The following LRP4 variants were observed in gnomAD, a reference collection of about 807,000 sequenced individuals.
LRP4 encodes LDL receptor related protein 4, also known as low-density lipoprotein receptor-related protein 4.
In LRP4, 95 loss-of-function variants were observed where a neutral mutation model predicts 220.3. That is an observed-to-expected ratio of 0.43 (90% confidence interval 0.37 to 0.51). The LOEUF is 0.51. Among genes scored for constraint, LRP4 ranks in the 20% least tolerant of loss-of-function variants. The probability of loss-of-function intolerance (pLI) is 0.00; values close to 1 mark genes in which losing one functional copy is unlikely to be tolerated. For missense variants in LRP4, 1,925 were observed against 2,567.0 expected (o/e 0.75, Z 5.40); for synonymous variants, 903 against 954.6 (o/e 0.95, Z 1.00).
Position 46,868,611 on chromosome 11 carries a change from G to A in LRP4, c.4940C>T (p.Pro1647Leu), listed in dbSNP as rs772595373. 1.9e-6 allele frequency: 3 copies of A among 1,613,584 alleles called. No homozygotes were observed. The highest frequency in any genetic ancestry group is 3.3e-5 in the Admixed American group (2 of 60,030). The part of the protein sequence containing the change: ...CACPDEPDSR[P>L]CSLVPGLVPP... Reference sequence around the variant, plus strand: ...ACAGTCCAACTCACCAAGGGAGCAGGGCCGGCTATCAGGTTCGTCAGGACA... The same window carrying A: ...ACAGTCCAACTCACCAAGGGAGCAGAGCCGGCTATCAGGTTCGTCAGGACA... The change falls in exon 33 of 38, where the codon CCC (proline) becomes CTC (leucine). Residue 1647 changes from proline (P) to leucine (L), a missense_variant. By Grantham distance (98) the Pro-to-Leu change is moderately conservative (BLOSUM62 -3). Transcript: ENST00000378623.
intron 31 of LRP4, among the ~76,000 whole-genome samples, chr11:46,870,161 C>T (rs960728173): frequency 4.0e-5 from 6 of 151,540 alleles, no homozygotes; most frequent in East Asian, 1.9e-4. Flanking sequence ...CCCACCTACT[C>T]GGGAGGCTGA....
intron 22 of LRP4, 52 bp downstream of exon 22, chr11:46,878,855 C>A (rs550261069): frequency 6.2e-7 from 1 of 1,611,812 alleles, no homozygotes; most frequent in African/African-American, 1.3e-5. Flanking sequence ...GGAAGAGAGC[C>A]ATTGCCCCCT....
At chr11:46,891,679 A>C (rs1357161573) in intron 13 of LRP4, among the ~76,000 whole-genome samples, 4 of 151,854 alleles carry the variant, frequency 2.6e-5, no homozygotes, top group Non-Finnish European at 5.9e-5. Context: ...GCAGTGCCAT[A>C]ATCATGGCTC....
In LRP4 at chr11:46,890,982, G is replaced by T. The variant is rs1941409710; in HGVS notation, c.1698-488C>A. On this transcript the variant is annotated intron_variant, in intron 13 of 37. Coordinates refer to ENST00000378623, the MANE Select transcript of LRP4 (RefSeq NM_002334.4). This position sits in a 1 kb window ranked among gnomAD's most constrained non-coding sequence, Gnocchi z 5.3. Reference sequence around the variant, plus strand: ...ATTTTTTTTTTCATACTGGCAACAGGCAGGACATACTATCTTAGGCACTGG... The same window carrying T: ...ATTTTTTTTTTCATACTGGCAACAGTCAGGACATACTATCTTAGGCACTGG... 6.6e-6 allele frequency among the ~76,000 whole-genome samples: 1 copy of T among 151,898 alleles called. No individual in the cohort carries two copies. Among genetic ancestry groups the T allele is most frequent in the East Asian group, 1.9e-4 (1 of 5,178 alleles).
chr11:46,891,751 G>A (rs1941429159), intron 13 of LRP4, among the ~76,000 whole-genome samples: 1 of 151,926 alleles, frequency 6.6e-6, no homozygotes, highest in African/African-American at 2.4e-5. Context: ...GTGTAGTTGG[G>A]ACTACAGGCA....
chr11:46,913,776 C>T (rs900896625), intron 1 of LRP4, among the ~76,000 whole-genome samples: 2 of 152,170 alleles, frequency 1.3e-5, no homozygotes, highest in African/African-American at 2.4e-5. Flanking sequence ...TCCATTTCCC[C>T]AGACCTCTCT....
intron 16 of LRP4, among the ~76,000 whole-genome samples, chr11:46,887,612 C>T (rs1170895234): frequency 2.0e-5 from 3 of 152,024 alleles, no homozygotes; most frequent in Admixed American, 2.0e-4. Context: ...GTGGATAGAT[C>T]ACGAGATCAG....
Position 46,884,692 on chromosome 11 carries a change from G to A in LRP4, c.2507-716C>T, listed in dbSNP as rs544193252. The stretch of plus-strand genomic sequence containing the variant: ...GCGGAGCTTGCAGTGAGCCGAGATC[G>A]TGCCACAGCACTCCAGCCTGGGGGA... On this transcript the variant is annotated intron_variant, in intron 18 of 37. Transcript: ENST00000378623. 1.7e-4 allele frequency among the ~76,000 whole-genome samples: 24 copies of A among 144,118 alleles called. No homozygotes were observed. In the South Asian group the frequency reaches 3.5e-3, roughly 21 times the overall value. The allele number at this position is 144,118 out of a possible 152,430, so 94.5% of individuals were successfully genotyped here.
At chr11:46,860,699 C>G (rs1045102740) in intron 37 of LRP4, among the ~76,000 whole-genome samples, 1 of 152,276 alleles carries the variant, frequency 6.6e-6, no homozygotes, top group Admixed American at 6.5e-5. Flanking sequence ...ATGGTCCCTG[C>G]CCTCTGAGAG....
At chr11:46,872,027 G>A (rs1392779946) in intron 30 of LRP4, among the ~76,000 whole-genome samples, 1 of 152,172 alleles carries the variant, frequency 6.6e-6, no homozygotes, top group Non-Finnish European at 1.5e-5. Context: ...GGAGGCCGAG[G>A]CGGGGGATCA....
intron 16 of LRP4, 72 bp downstream of exon 16, chr11:46,889,339 G>C: frequency 6.3e-7 from 1 of 1,595,130 alleles, no homozygotes; most frequent in South Asian, 1.1e-5. Context: ...ATCCCTCCAC[G>C]TCCTATCCCT....
intron 18 of LRP4, among the ~76,000 whole-genome samples, 186 bp downstream of exon 18, chr11:46,885,905 G>A (rs956354043): frequency 7.9e-5 from 12 of 152,100 alleles, no homozygotes; most frequent in Non-Finnish European, 1.3e-4. Flanking sequence ...GCCACAATGT[G>A]AGCTTCTCAC....
rs545112106 is a variant in LRP4 at position 46,886,506 on chromosome 11, C to T, written c.2243G>A (p.Arg748Gln). The T allele has an allele frequency of 1.2e-6, 2 of 1,613,964 alleles. No homozygotes were observed. Among genetic ancestry groups the T allele is most frequent in the African/African-American group, 1.3e-5 (1 of 74,934 alleles). ...QSLDKFLLFA[R>Q]RMDIRRISFD... ...GCTGATTCGACGGATGTCCATCCTTCGGGCAAAAAGCAGGAACTTGTCAAG... is the reference window on the plus strand; with the variant it reads ...GCTGATTCGACGGATGTCCATCCTTTGGGCAAAAAGCAGGAACTTGTCAAG... The change falls in exon 17 of 38, where the codon CGA (arginine) becomes CAA (glutamine). Residue 748 changes from arginine to glutamine, a missense_variant. Physicochemically the swap from Arg to Gln is conservative, Grantham distance 43. This residue lies in a region of LRP4 where 1,244 missense variants were observed against 1,624.9 expected (regional missense o/e 0.77). Coordinates refer to ENST00000378623, the MANE Select transcript of LRP4 (RefSeq NM_002334.4).
In LRP4 at chr11:46,873,462, G is replaced by A. The variant is rs746692504; in HGVS notation, c.4361C>T (p.Ala1454Val). 11 of 1,614,130 alleles carry A rather than the reference G, an allele frequency of 6.8e-6. No individual in the cohort carries two copies. The highest frequency in any genetic ancestry group is 2.7e-5 in the African/African-American group (2 of 75,014). Reference protein sequence around the residue: ...WTDTGRNTIEASRLDGSCRKV... With the variant: ...WTDTGRNTIEVSRLDGSCRKV... Reference sequence around the variant, plus strand: ...GCGGCAGGAACCATCCAGCCTGGACGCCTCAATGGTATTTCGACCTGTGTC... The same window carrying A: ...GCGGCAGGAACCATCCAGCCTGGACACCTCAATGGTATTTCGACCTGTGTC... The change falls in exon 29 of 38, where the codon GCG (alanine) becomes GTG (valine). Residue 1454 changes from alanine (A) to valine (V), a missense_variant. By Grantham distance (64) the Ala-to-Val change is moderately conservative. This residue lies in a region of LRP4 where 1,244 missense variants were observed against 1,624.9 expected (regional missense o/e 0.77). Coordinates refer to ENST00000378623, the MANE Select transcript of LRP4 (RefSeq NM_002334.4). The surrounding 1 kb of genome is among the most constrained non-coding windows in gnomAD (Gnocchi z 4.2).
In LRP4 at chr11:46,873,344, T is replaced by C. The variant is rs1483026513; in HGVS notation, c.4448+31A>G. ...ATCTTTCCACCCAGCCCTTCTTCCC[T>C]GGATCTCTCTTCTGCTGGCCATAAA... is the stretch of plus-strand genomic sequence containing the variant. On this transcript the variant is annotated intron_variant, in intron 29 of 37. Coordinates refer to ENST00000378623, the MANE Select transcript of LRP4 (RefSeq NM_002334.4). This position sits in a 1 kb window ranked among gnomAD's most constrained non-coding sequence, Gnocchi z 4.2. 1.2e-6 allele frequency: 2 copies of C among 1,613,154 alleles called. No individual in the cohort carries two copies. The highest frequency in any genetic ancestry group is 1.7e-6 in the Non-Finnish European group (2 of 1,179,384).
intron 32 of LRP4, 41 bp downstream of exon 32, chr11:46,868,947 C>T (rs1940784310): frequency 6.2e-7 from 1 of 1,613,772 alleles, no homozygotes; most frequent in Admixed American, 1.7e-5. Flanking sequence ...CGACCAATCC[C>T]ACAGATGTTA....
intron 12 of LRP4, among the ~76,000 whole-genome samples, chr11:46,894,356 C>T (rs566727885): frequency 6.6e-6 from 1 of 152,222 alleles, no homozygotes; most frequent in Admixed American, 6.5e-5. Context: ...CAACCACCAA[C>T]GTGGTCTCAT....
intron 1 of LRP4, among the ~76,000 whole-genome samples, chr11:46,906,210 C>T (rs2134876299): frequency 6.6e-6 from 1 of 152,246 alleles, no homozygotes; most frequent in East Asian, 1.9e-4. Flanking sequence ...AATCCTAGCA[C>T]TTTGGGAGGC....
chr11:46,857,496 C>T lies in LRP4; in HGVS notation c.*1487G>A, dbSNP rs987242422. 3.3e-5 allele frequency: 5 copies of T among 152,192 alleles called. No individual in the cohort carries two copies. The highest frequency in any genetic ancestry group is 1.2e-4 in the African/African-American group (5 of 41,414). The allele number at this position is 152,192 out of a possible 1,614,324, so 9.4% of individuals were successfully genotyped here. On this transcript the variant is annotated 3_prime_UTR_variant, in exon 38 of 38. Coordinates refer to ENST00000378623, the MANE Select transcript of LRP4 (RefSeq NM_002334.4). ...AGAAGAGGTCTGGGTCTGCCATGGGCTAGGAGGGCCTCATCAGTGGTGCTC... is the reference window on the plus strand; with the variant it reads ...AGAAGAGGTCTGGGTCTGCCATGGGTTAGGAGGGCCTCATCAGTGGTGCTC...
Sources: gnomAD v4.1 joint callset for allele counts (sites outside exome capture counted in the v4.1 genomes callset) on GRCh38, gnomAD v4.1.1 for gene constraint, gnomAD v4.1.1 regional missense constraint, Gnocchi (gnomAD v3.1) non-coding constraint, MANE v1.5 for transcripts, NCBI Gene and HGNC (gene_info 2026-07-23, HGNC 2026-07-21) for gene names.